Variants in RALGAPA2 observed in about 807,000 individuals in gnomAD.
RALGAPA2 encodes the protein Ral GTPase activating protein catalytic subunit alpha 2.
In RALGAPA2, 139 loss-of-function variants were observed where a neutral mutation model predicts 230.4. The ratio of observed to expected loss-of-function variants is 0.60; its 90% CI spans 0.53 to 0.69. The LOEUF is 0.69. Ranked by LOEUF, RALGAPA2 falls within the 30% of genes least tolerant of loss-of-function variation. The pLI, the probability that RALGAPA2 is intolerant of heterozygous loss-of-function variation, is 0.00. For missense variants in RALGAPA2, 2,163 were observed against 2,276.0 expected (o/e 0.95, Z 1.01); for synonymous variants, 847 against 837.8 (o/e 1.01, Z -0.19).
intron 1 of RALGAPA2, among the ~76,000 whole-genome samples, chr20:20,697,677 G>T (rs1015229569): frequency 3.9e-5 from 6 of 152,150 alleles, no homozygotes; most frequent in Admixed American, 3.9e-4. Flanking sequence ...AGGCCCTAGG[G>T]GAGTGGCCAC....
chr20:20,502,733 A>G (rs896755947), intron 35 of RALGAPA2, among the ~76,000 whole-genome samples: 3 of 152,184 alleles, frequency 2.0e-5, no homozygotes, highest in African/African-American at 7.2e-5. Context: ...GTGAGTGCAT[A>G]TCACAGTTGC....
At position 20,531,567 on chromosome 20, in the gene RALGAPA2, A is replaced by G. The variant is rs987724367; in HGVS notation, c.3582+120T>C. ...TCCCGGGAGCCTCACAGCACATGCA[A>G]TGGGAATCACAATCCCTCTGTCATT... On this transcript the variant is annotated intron_variant, in intron 27 of 39. Transcript: ENST00000202677. The G allele has an allele frequency of 7.5e-5, 67 of 893,350 alleles. No homozygotes were observed. The African/African-American group carries it at 9.6e-4, about 13-fold the overall frequency. 55.3% of individuals were successfully genotyped at this position (893,350 alleles called of 1,614,324 possible).
intron 36 of RALGAPA2, among the ~76,000 whole-genome samples, chr20:20,493,287 T>C (rs1037377435): frequency 6.6e-5 from 10 of 152,262 alleles, no homozygotes; most frequent in Admixed American, 5.9e-4. Context: ...TGTAATGGTT[T>C]GTACTTTAAA....
chr20:20,576,702 T>C (rs1464167494), intron 20 of RALGAPA2, among the ~76,000 whole-genome samples: 1 of 152,128 alleles, frequency 6.6e-6, no homozygotes, highest in Non-Finnish European at 1.5e-5. Context: ...TTCTACGGAA[T>C]GGGATGAAAA....
At chr20:20,603,820 G>T (rs1463623539) in intron 15 of RALGAPA2, among the ~76,000 whole-genome samples, 2 of 152,116 alleles carry the variant, frequency 1.3e-5, no homozygotes, top group African/African-American at 4.8e-5. Flanking sequence ...TAAGTTTTGG[G>T]GTGATTTGTC....
intron 37 of RALGAPA2, among the ~76,000 whole-genome samples, chr20:20,421,652 A>C (rs1312058843): frequency 6.6e-6 from 1 of 152,160 alleles, no homozygotes; most frequent in African/African-American, 2.4e-5. Context: ...CCTGGGCAAC[A>C]AGAGCGAAAC....
Position 20,531,776 on chromosome 20 carries a change from G to C in RALGAPA2, c.3493C>G (p.Leu1165Val). Residue 1165 changes from leucine to valine, a missense_variant, in exon 27 of 40, where the codon CTT becomes GTT. Transcript: ENST00000202677. The part of the protein sequence containing the change: ...EYARCIAVCS[L>V]GVWICEELAQ... Reference sequence around the variant, plus strand: ...AGCTCTTCACATATCCAGACCCCAAGGGAGCAAACAGCAATGCATCTTTTT... The same window carrying C: ...AGCTCTTCACATATCCAGACCCCAACGGAGCAAACAGCAATGCATCTTTTT... 6.2e-7 allele frequency: 1 copy of C among 1,604,640 alleles called. No homozygotes were observed. The highest frequency in any genetic ancestry group is 1.1e-5 in the South Asian group (1 of 89,114).
At chr20:20,559,078 A>T (rs2064175583) in intron 23 of RALGAPA2, among the ~76,000 whole-genome samples, 1 of 152,200 alleles carries the variant, frequency 6.6e-6, no homozygotes, top group Non-Finnish European at 1.5e-5. Context: ...TTAATTTTAG[A>T]ATATGATTAT....
intron 37 of RALGAPA2, among the ~76,000 whole-genome samples, chr20:20,431,550 G>C (rs558931437): frequency 1.9e-4 from 29 of 152,282 alleles, no homozygotes; most frequent in Non-Finnish European, 3.5e-4. Context: ...ATTTTAAAAT[G>C]TATGACACAA....
chr20:20,674,070 C>G (rs533427888), intron 3 of RALGAPA2, among the ~76,000 whole-genome samples: 149 of 152,084 alleles, frequency 9.8e-4, no homozygotes, highest in African/African-American at 3.4e-3. Context: ...GTGATGCACA[C>G]GTGTAGTCCC....
chr20:20,600,041 T>C (rs2065587215), intron 16 of RALGAPA2, among the ~76,000 whole-genome samples: 2 of 151,690 alleles, frequency 1.3e-5, no homozygotes, highest in Admixed American at 1.3e-4. Context: ...ACTCCTGTAA[T>C]CCCAGCACTT....
intron 37 of RALGAPA2, among the ~76,000 whole-genome samples, chr20:20,428,292 A>G (rs1312307352): frequency 1.3e-5 from 2 of 152,222 alleles, no homozygotes; most frequent in African/African-American, 4.8e-5. Context: ...TTCCACATTT[A>G]AGCCTCATAG....
intron 13 of RALGAPA2, among the ~76,000 whole-genome samples, chr20:20,612,875 A>G (rs1382829254): frequency 2.0e-5 from 3 of 152,230 alleles, no homozygotes; most frequent in Non-Finnish European, 2.9e-5. Flanking sequence ...TACATGATGC[A>G]TAAGACAATG....
Position 20,541,590 on chromosome 20 carries a change from C to T in RALGAPA2, c.3286-4806G>A, listed in dbSNP as rs192028904. Among the ~76,000 whole-genome samples, 107 of 152,228 alleles carry T rather than the reference C, an allele frequency of 7.0e-4. 1 individual carries two copies. In the East Asian group the frequency reaches 0.015, roughly 21 times the overall value. ...CTGGACAAAGCAATGATCCATGTCC[C>T]GGGCAGGATGGGCCAGGACAGCTCA... On this transcript the variant is annotated intron_variant, in intron 24 of 39. Transcript: ENST00000202677.
intron 1 of RALGAPA2, among the ~76,000 whole-genome samples, chr20:20,693,389 TTATC>T (rs1237463738): frequency 2.0e-5 from 3 of 152,184 alleles, no homozygotes; most frequent in South Asian, 2.1e-4. Flanking sequence ...TTTAATATAT[TTATC>T]TATCAGGAAT....
intron 13 of RALGAPA2, among the ~76,000 whole-genome samples, chr20:20,614,254 T>C (rs2146303945): frequency 6.6e-6 from 1 of 152,308 alleles, no homozygotes; most frequent in Admixed American, 6.5e-5. Context: ...TTCTTTTCTA[T>C]ACTTTCACCT....
chr20:20,400,658 G>A (rs6137023), intron 38 of RALGAPA2, among the ~76,000 whole-genome samples: 8,875 of 152,146 alleles, frequency 0.058, 517 homozygotes, highest in East Asian at 0.18. Context: ...CAAGATTTCC[G>A]CTGCATCTTA....
chr20:20,643,764 C>T (rs1276135310), intron 4 of RALGAPA2, among the ~76,000 whole-genome samples: 2 of 151,678 alleles, frequency 1.3e-5, no homozygotes, highest in African/African-American at 4.8e-5. Flanking sequence ...TTAAAACAGT[C>T]AAAATGACTG....
chr20:20,412,291 G>T, intron 37 of RALGAPA2, 143 bp from the exon 38 acceptor site: 2 of 1,181,068 alleles, frequency 1.7e-6, no homozygotes, highest in Non-Finnish European at 2.4e-6. Flanking sequence ...AGAAAATTAA[G>T]TATTAGTCAT....
Sources: gnomAD v4.1 joint callset for allele counts (sites outside exome capture counted in the v4.1 genomes callset) on GRCh38, gnomAD v4.1.1 for gene constraint, MANE v1.5 for transcripts, NCBI Gene and HGNC (gene_info 2026-07-23, HGNC 2026-07-21) for gene names.